The following NT5DC2 variants were observed in gnomAD, a reference collection of about 807,000 sequenced individuals.
The protein encoded by NT5DC2 is 5'-nucleotidase domain containing 2, also known as 5'-nucleotidase domain-containing protein 2.
In NT5DC2, 41 loss-of-function variants were observed where a neutral mutation model predicts 70.0. The observed-to-expected ratio is 0.59, with a 90% CI of 0.46 to 0.76. The LOEUF (loss-of-function observed/expected upper bound fraction) is 0.76. NT5DC2 is among the 30% of genes least tolerant of loss of function. The probability of loss-of-function intolerance (pLI) is 0.00; values close to 1 mark genes in which losing one functional copy is unlikely to be tolerated. For missense variants in NT5DC2, 705 were observed against 783.2 expected, an observed-to-expected ratio of 0.90 and a Z score of 1.19; for synonymous variants, 299 against 310.4, an observed-to-expected ratio of 0.96 and a Z score of 0.39.
chr3:52,532,856 C>T (rs2079379084), intron 1 of NT5DC2, among the ~76,000 whole-genome samples: 1 of 152,086 alleles, frequency 6.6e-6, no homozygotes, highest in African/African-American at 2.4e-5. Context: ...GCGCCCCAGC[C>T]GGCCCCCTCC....
chr3:52,533,398 G>C (rs894668849), intron 1 of NT5DC2, 108 bp downstream of exon 1: 9 of 1,208,214 alleles, frequency 7.4e-6, no homozygotes, highest in African/African-American at 1.6e-5. Context: ...CGGGGCCCTG[G>C]CGAGCCCCAC....
chr3:52,524,915 C>T (rs1379690643), intron 12 of NT5DC2, 34 bp from the exon 13 acceptor site: 1 of 1,611,910 alleles, frequency 6.2e-7, no homozygotes, highest in South Asian at 1.1e-5. Context: ...GGTGTGTGCA[C>T]CCAGGAGGCT....
At chr3:52,527,982 C>A (rs377675801) in intron 7 of NT5DC2, 31 bp downstream of exon 7, 1 of 1,613,116 alleles carries the variant, frequency 6.2e-7, no homozygotes, top group Non-Finnish European at 8.5e-7. Flanking sequence ...CTGCTCAGGC[C>A]GGCCACGGCA....
Position 52,524,501 on chromosome 3 carries a change from G to A in NT5DC2, c.1643C>T (p.Pro548Leu), listed in dbSNP as rs762633352. ...GATGTGGGCCATGTCACCAAGGAAG[G>A]GGGTCTTCATGCAGCCGGTGCAGAG... Reference protein sequence around the residue: ...DQLCTGCMKTPFLGDMAHIR With the variant: ...DQLCTGCMKTLFLGDMAHIR Residue 548 changes from proline (P) to leucine (L), a missense_variant, in exon 14 of 14, where the codon CCC (proline) becomes CTC (leucine). Transcript: ENST00000422318. 6.2e-7 allele frequency: 1 copy of A among 1,612,950 alleles called. No homozygotes were observed. Among genetic ancestry groups the A allele is most frequent in the Admixed American group, 1.7e-5 (1 of 60,034 alleles).
chr3:52,532,510 G>A (rs528855141), intron 1 of NT5DC2: 40 of 985,222 alleles, frequency 4.1e-5, no homozygotes, highest in South Asian at 9.4e-5. Context: ...CCACAAAGCC[G>A]GAGTGAAAAC....
upstream of NT5DC2, chr3:52,534,419 G>T (rs901373417): frequency 6.4e-7 from 1 of 1,561,510 alleles, no homozygotes; most frequent in Non-Finnish European, 8.7e-7. Flanking sequence ...AGGCCGAGGG[G>T]CCTGCAGGGC....
Position 52,527,887 on chromosome 3 carries a change from G to A in NT5DC2, c.877C>T (p.Arg293Cys), listed in dbSNP as rs781672571. 9.9e-6 allele frequency: 16 copies of A among 1,613,360 alleles called. No individual in the cohort carries two copies. Among genetic ancestry groups the A allele is most frequent in the Non-Finnish European group, 1.2e-5 (14 of 1,180,034 alleles). ...AGCTGTTTCCCATGGGCCACCAGGC[G>A]GCTCAGGACAGCAAACGTCTCATCC... ...RGDETFAVLSRLVAHGKQLFL... is the reference protein window; with the variant it reads ...RGDETFAVLSCLVAHGKQLFL... Residue 293 changes from arginine (R) to cysteine (C), a missense_variant, in exon 8 of 14, where the codon CGC becomes TGC. By Grantham distance (180) the Arg-to-Cys change is radical (BLOSUM62 -3). Transcript: ENST00000422318.
In NT5DC2 at chr3:52,528,629, C is replaced by T. The variant is rs201374080; in HGVS notation, c.548+8G>A. On this transcript the variant is annotated splice_region_variant and intron_variant, in intron 4 of 13. Coordinates refer to ENST00000422318, the MANE Select transcript of NT5DC2 (RefSeq NM_001134231.2). ...GGCGGGGGTGGGGTTGGGGCAGAGC[C>T]GACTGACCTGTAGGCTGTCCCCAGC... is the stretch of plus-strand genomic sequence containing the variant. The T allele has an allele frequency of 8.9e-6, 14 of 1,577,290 alleles. No individual in the cohort carries two copies. The highest frequency in any genetic ancestry group is 5.4e-5 in the African/African-American group (4 of 74,234).
rs554122922 is a variant in NT5DC2, at chr3:52,529,257, C to T, written c.310G>A (p.Val104Ile). The change falls in exon 2 of 14, where the codon GTT (valine) becomes ATT (isoleucine). Residue 104 changes from valine (V) to isoleucine (I), a missense_variant. Coordinates refer to ENST00000422318, the MANE Select transcript of NT5DC2 (RefSeq NM_001134231.2). This position sits in a 1 kb window ranked among gnomAD's most constrained non-coding sequence, Gnocchi z 4.1. ...YANNEISLRD[V>I]EVYGFDYDYT... is the part of the protein sequence containing the mutation. ...TCGTAGTCAAAGCCGTAGACCTCAA[C>T]GTCACGCAGGCTGATCTCGTTGTTG... 5.1e-5 allele frequency: 82 copies of T among 1,613,976 alleles called. No homozygotes were observed. The highest frequency in any genetic ancestry group is 6.4e-5 in the Non-Finnish European group (75 of 1,179,984).
At chr3:52,527,566 T>G in intron 9 of NT5DC2, 51 bp downstream of exon 9, 2 of 1,583,440 alleles carry the variant, frequency 1.3e-6, no homozygotes, top group Non-Finnish European at 8.6e-7. Flanking sequence ...CTCATTGGGG[T>G]GGGGCCTCTA....
chr3:52,534,711 C>A, upstream of NT5DC2: 1 of 1,553,802 alleles, frequency 6.4e-7, no homozygotes, highest in East Asian at 2.3e-5. Flanking sequence ...TGCTCAGGGT[C>A]CGGAGGAGGC....
chr3:52,528,380 C>A, intron 5 of NT5DC2, 66 bp downstream of exon 5: 1 of 1,613,152 alleles, frequency 6.2e-7, no homozygotes, highest in African/African-American at 1.3e-5. Context: ...AGACGAGGGC[C>A]CCAAATCTGC....
intron 1 of NT5DC2, chr3:52,532,592 C>T (rs2079375702): frequency 6.3e-6 from 5 of 790,378 alleles, no homozygotes; most frequent in Admixed American, 6.2e-5. Flanking sequence ...CCACGTCACC[C>T]CTGGGGGTTC....
chr3:52,525,295 C>A lies in NT5DC2; in HGVS notation c.1120G>T (p.Gly374Ter). ...RLEKGKIYRQGNLFDFLRLTE... is the reference protein window; with the variant it reads ...RLEKGKIYRQ ...AAGCGTAAGAAGTCAAACAGGTTTCCCTAGGGAGAGGAGGGGAATGCTGCT... is the reference window on the plus strand; with the variant it reads ...AAGCGTAAGAAGTCAAACAGGTTTCACTAGGGAGAGGAGGGGAATGCTGCT... Residue 374 changes from glycine to a stop codon, truncating the protein, a stop_gained and splice_region_variant, in exon 11 of 14, where the codon GGA (glycine) becomes TGA (stop). Transcript: ENST00000422318. LOFTEE classifies it high-confidence loss of function. The A allele has an allele frequency of 6.2e-7, 1 of 1,612,094 alleles. No individual in the cohort carries two copies. The highest frequency in any genetic ancestry group is 8.5e-7 in the Non-Finnish European group (1 of 1,179,490).
chr3:52,524,807 A>G lies in NT5DC2; in HGVS notation c.1412+10T>C. 6.2e-7 allele frequency: 1 copy of G among 1,612,344 alleles called. No homozygotes were observed. Among genetic ancestry groups the G allele is most frequent in the African/African-American group, 1.3e-5 (1 of 74,950 alleles). Reference sequence around the variant, plus strand: ...TGGCTGGGACTCCTGCCCTGGCCCCACCTGCTCACCTCAGCTCCTGCCGCT... The same window carrying G: ...TGGCTGGGACTCCTGCCCTGGCCCCGCCTGCTCACCTCAGCTCCTGCCGCT... On this transcript the variant is annotated intron_variant, in intron 13 of 13. Transcript: ENST00000422318.
At chr3:52,534,189 T>C, upstream of NT5DC2, 1 of 358,352 alleles carries the variant, frequency 2.8e-6, no homozygotes, top group Non-Finnish European at 5.2e-6. Flanking sequence ...CCCTCTCCGC[T>C]CCCGGGTCCG....
chr3:52,525,646 CCTCAGTG>C (rs1211814724), intron 10 of NT5DC2: 1 of 271,688 alleles, frequency 3.7e-6, no homozygotes, highest in Non-Finnish European at 7.1e-6. Context: ...GCCTCCCCTG[CCTCAGTG>C]CAGAGGGACC....
rs1559738462 is a variant in NT5DC2 at position 52,528,218 on chromosome 3, C to T, written c.736G>A (p.Glu246Lys). ...TTGTAGAGATGTGCTTGGTCAAACT[C>T]CAGGCTGTGGCCCAGAAAGTAGTCC... ...VVDYFLGHSL[E>K]FDQAHLYKDV... The change falls in exon 6 of 14, where the codon GAG becomes AAG. Residue 246 changes from glutamate to lysine, a missense_variant. By Grantham distance (56) the Glu-to-Lys change is moderately conservative (BLOSUM62 1). Transcript: ENST00000422318. The T allele has an allele frequency of 5.6e-6, 9 of 1,613,312 alleles. No individual in the cohort carries two copies. Among genetic ancestry groups the T allele is most frequent in the South Asian group, 1.1e-5 (1 of 91,080 alleles).
Position 52,529,179 on chromosome 3 carries a change from CG to C in NT5DC2, c.387del (p.Ala130ProfsTer5). ...ADALHPEIFS[T>X]ARDILIEHYK... ...TAGTGCTCGATCAGGATGTCACGGG[CG>C]GTACTGAAGATCTCGGGGTGCAGTG... On this transcript the variant is annotated frameshift_variant, in exon 2 of 14. Coordinates refer to ENST00000422318, the MANE Select transcript of NT5DC2 (RefSeq NM_001134231.2). LOFTEE classifies it high-confidence loss of function. This position sits in a 1 kb window ranked among gnomAD's most constrained non-coding sequence, Gnocchi z 4.1. 6.2e-7 allele frequency: 1 copy of C among 1,614,038 alleles called. No individual in the cohort carries two copies. The highest frequency in any genetic ancestry group is 8.5e-7 in the Non-Finnish European group (1 of 1,179,986).
Sources: allele counts gnomAD v4.1 joint callset (sites outside exome capture counted in the v4.1 genomes callset), GRCh38; gene constraint gnomAD v4.1.1; non-coding constraint Gnocchi (gnomAD v3.1); transcripts MANE v1.5; gene names NCBI Gene and HGNC (gene_info 2026-07-23, HGNC 2026-07-21).